Variants in PDE1C observed in about 807,000 individuals in gnomAD.
PDE1C encodes phosphodiesterase 1C.
Under a neutral mutation model 93.1 loss-of-function variants are expected in PDE1C, and 62 were observed. That is an observed-to-expected ratio of 0.67 (90% CI 0.54 to 0.82). The LOEUF (loss-of-function observed/expected upper bound fraction) is 0.82, where lower values mean the gene tolerates loss of function less well. Among genes scored for constraint, PDE1C ranks in the 40% least tolerant of loss-of-function variants. The probability of loss-of-function intolerance (pLI) is 0.00; values close to 1 mark genes in which losing one functional copy is unlikely to be tolerated. For synonymous variants in PDE1C, 325 were observed against 310.1 expected, an observed-to-expected ratio of 1.05 and a Z score of -0.50; for missense variants, 742 against 884.6, an observed-to-expected ratio of 0.84 and a Z score of 2.04.
chr7:32,301,183 T>C (rs74887758), upstream of PDE1C, among the ~76,000 whole-genome samples: 4 of 152,292 alleles, frequency 2.6e-5, no homozygotes, highest in East Asian at 7.7e-4. Flanking sequence ...AGGTTTCTTA[T>C]AGTTCCCCTT....
chr7:32,237,872 G>C (rs890800101), intron 1 of PDE1C, among the ~76,000 whole-genome samples: 1 of 147,986 alleles, frequency 6.8e-6, no homozygotes. Flanking sequence ...CTGGGTTCAA[G>C]CAATTCTCCT....
chr7:32,139,445 G>A (rs1477637223), intron 3 of PDE1C, among the ~76,000 whole-genome samples: 2 of 151,536 alleles, frequency 1.3e-5, no homozygotes, highest in Non-Finnish European at 2.9e-5. Flanking sequence ...ATTCAAAAGG[G>A]AGGAAGAAGT....
chr7:32,306,387 T>C (rs556348964), intron 1 of PDE1C, among the ~76,000 whole-genome samples: 6 of 152,162 alleles, frequency 3.9e-5, no homozygotes, highest in African/African-American at 1.4e-4. Context: ...AGCCTGTGAG[T>C]CATTACTCTT....
At chr7:32,246,915 A>G (rs1275616125) in intron 1 of PDE1C, among the ~76,000 whole-genome samples, 1 of 152,258 alleles carries the variant, frequency 6.6e-6, no homozygotes, top group Non-Finnish European at 1.5e-5. Flanking sequence ...CTCTGTGTCA[A>G]GCACAATACT....
At chr7:31,675,857 G>T in the PDE1C span, among the ~76,000 whole-genome samples, 1 of 152,068 alleles carries the variant, frequency 6.6e-6, no homozygotes, top group Non-Finnish European at 1.5e-5. Context: ...ATAGGCAAAA[G>T]GTTACCAAAA....
intron 1 of PDE1C, among the ~76,000 whole-genome samples, chr7:32,383,354 G>T (rs1784567908): frequency 6.6e-6 from 1 of 152,212 alleles, no homozygotes; most frequent in Non-Finnish European, 1.5e-5. Flanking sequence ...GCTGAGGTTT[G>T]AGTCCAAGCT....
chr7:31,815,921 C>A lies in PDE1C; in HGVS notation c.1813+3G>T, dbSNP rs1788191720. On this transcript the variant is annotated splice_donor_region_variant and intron_variant, in intron 15 of 17. Coordinates refer to ENST00000396191, the MANE Select transcript of PDE1C (RefSeq NM_001191057.4). ...AGCCCTTCACCAGTGTAAGTCTACT[C>A]ACCATTCTGTTGCTGTTCTCCTGAT... 1.9e-6 allele frequency: 3 copies of A among 1,596,206 alleles called. No homozygotes were observed. The highest frequency in any genetic ancestry group is 1.7e-6 in the Non-Finnish European group (2 of 1,163,702).
intron 1 of PDE1C, among the ~76,000 whole-genome samples, chr7:32,309,548 C>T (rs548241616): frequency 6.6e-6 from 1 of 152,352 alleles, no homozygotes; most frequent in South Asian, 2.1e-4. Context: ...AACAGTGGAT[C>T]TCTCAGCAGA....
In PDE1C at chr7:32,423,626, T is replaced by C. The variant is rs990684774; in HGVS notation, c.310+4196A>G. ...TCCAAGTGATTTTGATAAACACCAA[T>C]GTTTGAAATCTACTGATCCTAGTAT... On this transcript the variant is annotated intron_variant, in intron 1 of 1. Transcript: ENST00000672256. 5.3e-5 allele frequency among the ~76,000 whole-genome samples: 8 copies of C among 152,186 alleles called. No individual in the cohort carries two copies. The East Asian group carries it at 1.5e-3, about 29-fold the overall frequency.
chr7:32,207,828 T>G (rs999485063), intron 2 of PDE1C, among the ~76,000 whole-genome samples: 1 of 152,170 alleles, frequency 6.6e-6, no homozygotes, highest in Non-Finnish European at 1.5e-5. Flanking sequence ...TCAACTCTCA[T>G]GCAAGGACCG....
chr7:31,984,059 A>G (rs764742166), intron 2 of PDE1C, among the ~76,000 whole-genome samples: 5 of 152,156 alleles, frequency 3.3e-5, no homozygotes, highest in Non-Finnish European at 5.9e-5. Flanking sequence ...CAGGAGGAGG[A>G]AGAGTACCTG....
At chr7:31,657,270 A>T in the PDE1C span, among the ~76,000 whole-genome samples, 1 of 151,886 alleles carries the variant, frequency 6.6e-6, no homozygotes, top group Non-Finnish European at 1.5e-5. Context: ...CTGATTTGTT[A>T]AATCAATGGT....
chr7:31,746,949 T>C (rs1343557154), downstream of PDE1C, among the ~76,000 whole-genome samples: 1 of 152,180 alleles, frequency 6.6e-6, no homozygotes, highest in Non-Finnish European at 1.5e-5. Flanking sequence ...TGGGTGGTAA[T>C]GTCAGCTCTT....
chr7:32,070,758 G>T (rs984946012), upstream of PDE1C: 103 of 1,062,178 alleles, frequency 9.7e-5, 1 homozygote, highest in South Asian at 2.8e-3. Flanking sequence ...CCACAGAAGC[G>T]ATCAGCGCGC....
At chr7:32,119,368 G>T (rs1439160914) in intron 3 of PDE1C, among the ~76,000 whole-genome samples, 1 of 152,094 alleles carries the variant, frequency 6.6e-6, no homozygotes, top group Non-Finnish European at 1.5e-5. Flanking sequence ...CTGCCAAAGG[G>T]GTCTCAGGAA....
chr7:31,830,674 C>A (rs1289122988), intron 11 of PDE1C, among the ~76,000 whole-genome samples: 2 of 152,094 alleles, frequency 1.3e-5, no homozygotes, highest in South Asian at 2.1e-4. Context: ...CACAGCTAGA[C>A]CCCATTGCCT....
chr7:32,325,626 A>G lies in PDE1C; in HGVS notation c.310+102196T>C, dbSNP rs1562674803. Among the ~76,000 whole-genome samples, 3 of 152,234 alleles carry G rather than the reference A, an allele frequency of 2.0e-5. No individual in the cohort carries two copies. The South Asian group carries it at 6.2e-4, about 31-fold the overall frequency. On this transcript the variant is annotated intron_variant, in intron 1 of 1. Coordinates refer to the PDE1C transcript ENST00000672256. The stretch of plus-strand genomic sequence containing the variant: ...TTTTTATCTAATTTGCCACAGGTAT[A>G]TGTAGCCTAAGCACCTAGAAAAGCA...
intron 3 of PDE1C, among the ~76,000 whole-genome samples, chr7:32,122,513 T>C (rs988656556): frequency 6.6e-6 from 1 of 151,854 alleles, no homozygotes; most frequent in African/African-American, 2.4e-5. Context: ...ATCATAACAG[T>C]CTCTTAGACC....
chr7:32,071,527 G>T (rs7779222), upstream of PDE1C: 17,499 of 578,268 alleles, frequency 0.03, 309 homozygotes, highest in East Asian at 0.085. Flanking sequence ...TCTCTTGTGC[G>T]GAAGAAAAGG....
Sources: gnomAD v4.1 joint callset for allele counts (sites outside exome capture counted in the v4.1 genomes callset) on GRCh38, gnomAD v4.1.1 for gene constraint, MANE v1.5 for transcripts, NCBI Gene and HGNC (gene_info 2026-07-23, HGNC 2026-07-21) for gene names.